The following KLHDC4 variants were observed in gnomAD, a reference collection of about 807,000 sequenced individuals.
The protein encoded by KLHDC4 is kelch domain containing 4.
In KLHDC4, 90 loss-of-function variants were observed where a neutral mutation model predicts 62.4. The observed-to-expected ratio is 1.44, with a 90% CI of 1.22 to 1.72. KLHDC4 has a LOEUF of 1.72. Ranked by LOEUF, KLHDC4 falls within the 40% of genes most tolerant of loss-of-function variation. The probability of loss-of-function intolerance (pLI) is 0.00; values close to 1 mark genes in which losing one functional copy is unlikely to be tolerated. For missense variants in KLHDC4, 1,025 were observed against 699.7 expected (o/e 1.47, Z -5.25); for synonymous variants, 386 against 284.4 (o/e 1.36, Z -3.59).
intron 4 of KLHDC4, among the ~76,000 whole-genome samples, chr16:87,754,307 T>C (rs748859225): frequency 7.4e-4 from 111 of 149,054 alleles, no homozygotes; most frequent in Admixed American, 4.7e-4. Context: ...AATCAGGCCA[T>C]TGCACTCCAG....
At chr16:87,710,921 CT>C in intron 9 of KLHDC4, 1 of 337,506 alleles carries the variant, frequency 3.0e-6, no homozygotes, top group Non-Finnish European at 5.6e-6. Flanking sequence ...ATAACACAGG[CT>C]GGTCCACACC....
chr16:87,754,766 C>T (rs953972659), intron 4 of KLHDC4, among the ~76,000 whole-genome samples: 2 of 152,224 alleles, frequency 1.3e-5, no homozygotes, highest in Non-Finnish European at 2.9e-5. Context: ...CAGCTAACCA[C>T]GTGCTAAGTC....
chr16:87,756,533 G>A (rs2044947258), intron 2 of KLHDC4, 56 bp from the exon 3 acceptor site: 2 of 1,264,818 alleles, frequency 1.6e-6, no homozygotes, highest in South Asian at 1.2e-5. Flanking sequence ...CCACCTGAGC[G>A]CTGTCCCCTT....
At chr16:87,752,295 G>C (rs573063022) in intron 4 of KLHDC4, among the ~76,000 whole-genome samples, 17 of 149,086 alleles carry the variant, frequency 1.1e-4, no homozygotes, top group Admixed American at 1.1e-3. Flanking sequence ...TCAAACTCCA[G>C]GCAAGAGTGT....
At chr16:87,757,328 C>G (rs1242776877) in intron 2 of KLHDC4, 1 of 151,710 alleles carries the variant, frequency 6.6e-6, no homozygotes, top group Non-Finnish European at 1.5e-5. Context: ...ATTAGCTGGG[C>G]ATGGTGGTGC....
At chr16:87,727,675 T>C (rs2039615636) in intron 6 of KLHDC4, among the ~76,000 whole-genome samples, 1 of 152,182 alleles carries the variant, frequency 6.6e-6, no homozygotes, top group South Asian at 2.1e-4. Flanking sequence ...AGTCCTGTCC[T>C]AATGTGGAAC....
At chr16:87,726,170 T>A (rs1221993843) in intron 7 of KLHDC4, among the ~76,000 whole-genome samples, 1 of 149,780 alleles carries the variant, frequency 6.7e-6, no homozygotes, top group Admixed American at 6.7e-5. Context: ...GCGCCTATTT[T>A]CCCACGCCGC....
chr16:87,760,824 G>A (rs1331790890), intron 2 of KLHDC4, among the ~76,000 whole-genome samples: 2 of 152,052 alleles, frequency 1.3e-5, no homozygotes, highest in East Asian at 3.9e-4. Flanking sequence ...CCTAAGGTCA[G>A]GAGTTCACGA....
Position 87,708,026 on chromosome 16 carries a change from T to C in KLHDC4, c.*51A>G. On this transcript the variant is annotated 3_prime_UTR_variant, in exon 12 of 12. Coordinates refer to ENST00000270583, the MANE Select transcript of KLHDC4 (RefSeq NM_017566.4). ...AGCTTCACTCAACACGGCTGGGTCC[T>C]GGGCGGACGTGGGCACAGCACTTGC... The C allele has an allele frequency of 2.0e-6, 1 of 506,094 alleles. No individual in the cohort carries two copies. Among genetic ancestry groups the C allele is most frequent in the Non-Finnish European group, 3.9e-6 (1 of 259,484 alleles). The allele number at this position is 506,094 out of a possible 1,614,324, so 31.4% of individuals were successfully genotyped here.
intron 7 of KLHDC4, among the ~76,000 whole-genome samples, chr16:87,716,467 C>CTCTTGGGTCCCTGTG (rs1208927380): frequency 1.3e-5 from 2 of 152,194 alleles, no homozygotes; most frequent in Admixed American, 1.3e-4. Context: ...TTTACAGCTA[C>CTCTTGGGTCCCTGTG]TCTTGGGTCC....
At position 87,718,570 on chromosome 16, in the gene KLHDC4, C is replaced by G. The variant is rs189803384; in HGVS notation, c.760-3997G>C. On this transcript the variant is annotated intron_variant, in intron 7 of 11. Transcript: ENST00000270583. ...GGAGTGCAGTGGCGTGATCTCGGCT[C>G]GCTACAACCCCCACCTCCCAGCCAC... 4.2e-3 allele frequency among the ~76,000 whole-genome samples: 631 copies of G among 151,878 alleles called. 3 individuals are homozygous for G. Among genetic ancestry groups the G allele is most frequent in the African/African-American group, 0.013 (546 of 41,356 alleles).
chr16:87,706,895 C>T (rs537999936), downstream of KLHDC4, among the ~76,000 whole-genome samples: 16 of 152,212 alleles, frequency 1.1e-4, no homozygotes, highest in African/African-American at 3.4e-4. Flanking sequence ...CACAGGGGCT[C>T]GCCACCAAGT....
chr16:87,758,246 A>G (rs1417683622), intron 2 of KLHDC4, among the ~76,000 whole-genome samples: 3 of 152,258 alleles, frequency 2.0e-5, no homozygotes. Context: ...TAGCTCAAAC[A>G]GATACCTGTA....
Position 87,748,806 on chromosome 16 carries a change from C to T in KLHDC4, c.373G>A (p.Val125Met), listed in dbSNP as rs2043437319. The T allele has an allele frequency of 6.2e-7, 1 of 1,612,370 alleles. No homozygotes were observed. Among genetic ancestry groups the T allele is most frequent in the Non-Finnish European group, 8.5e-7 (1 of 1,179,696 alleles). ...PPPRRCAHQA[V>M]VVPQGGGQLW... is the part of the protein sequence containing the mutation. ...TGTCCGCCACCTTGAGGCACTACCA[C>T]CGCCTGTGAAAAGAAAGGTGACAGG... The change falls in exon 5 of 12, where the codon GTG becomes ATG. Residue 125 changes from valine to methionine, a missense_variant. Transcript: ENST00000270583.
intron 7 of KLHDC4, among the ~76,000 whole-genome samples, chr16:87,715,491 A>G (rs1348022079): frequency 6.6e-6 from 1 of 152,098 alleles, no homozygotes; most frequent in African/African-American, 2.4e-5. Context: ...GATCCCGTCG[A>G]GGGTCCCACT....
At chr16:87,747,409 G>C (rs2043199152) in intron 5 of KLHDC4, among the ~76,000 whole-genome samples, 1 of 152,254 alleles carries the variant, frequency 6.6e-6, no homozygotes, top group South Asian at 2.1e-4. Context: ...ACTGTGTGCT[G>C]AGTGGAAATA....
At chr16:87,757,595 TA>T (rs1398010349) in intron 2 of KLHDC4, 1 of 151,692 alleles carries the variant, frequency 6.6e-6, no homozygotes, top group African/African-American at 2.4e-5. Context: ...GGAAATTACA[TA>T]ATAATATTAT....
intron 7 of KLHDC4, among the ~76,000 whole-genome samples, chr16:87,717,794 G>A (rs568190094): frequency 4.4e-4 from 65 of 148,850 alleles, no homozygotes; most frequent in South Asian, 4.1e-3. Flanking sequence ...AACTCAAATC[G>A]CTGCTTAGCT....
downstream of KLHDC4, among the ~76,000 whole-genome samples, chr16:87,705,701 C>T (rs2034582777): frequency 1.3e-5 from 2 of 152,232 alleles, no homozygotes; most frequent in African/African-American, 2.4e-5. Flanking sequence ...TCCTCTTCTT[C>T]CTCCAAGAGC....
Sources: gnomAD v4.1 joint callset for allele counts (sites outside exome capture counted in the v4.1 genomes callset) on GRCh38, gnomAD v4.1.1 for gene constraint, MANE v1.5 for transcripts, NCBI Gene and HGNC (gene_info 2026-07-23, HGNC 2026-07-21) for gene names.